The following AFF2 variants were observed in gnomAD, a reference collection of about 807,000 sequenced individuals.
AFF2 encodes the protein ALF transcription elongation factor 2.
A neutral mutation model predicts 76.9 loss-of-function variants in AFF2; 14 were observed. The ratio of observed to expected loss-of-function variants is 0.18; its 90% confidence interval spans 0.12 to 0.28. AFF2 has a LOEUF of 0.28. AFF2 is among the 10% of genes least tolerant of loss of function. The pLI, the probability that AFF2 is intolerant of heterozygous loss-of-function variation, is 1.00. For missense variants in AFF2, 868 were observed against 1,001.1 expected, an observed-to-expected ratio of 0.87 and a Z score of 1.79; for synonymous variants, 398 against 366.7, an observed-to-expected ratio of 1.09 and a Z score of -0.98.
intron 7 of AFF2, among the ~76,000 whole-genome samples, chrX:148,885,107 C>T (rs182229532): frequency 1.1e-4 from 12 of 111,793 alleles, no homozygotes; most frequent in African/African-American, 3.6e-4. Context: ...ATAAGCTATT[C>T]GTCCTGCTGT....
chrX:148,843,398 C>T lies in AFF2; in HGVS notation c.1227C>T (p.Thr409=). ...GFTLQKWNDP[T]TRASTKSVSF... ...TCTTTTCAGAGTGGAATGACCCAAC[C>T]ACCAGAGCTTCTACAAAGTCAGTGT... The change falls in exon 7 of 21, where the codon ACC becomes ACT. Residue 409 remains threonine (T), a synonymous_variant. Transcript: ENST00000370460. 8.3e-7 allele frequency: 1 copy of T among 1,208,724 alleles called. No homozygotes were observed. Among genetic ancestry groups the T allele is most frequent in the Non-Finnish European group, 1.1e-6 (1 of 893,667 alleles).
chrX:148,586,279 AATAT>A (rs2053468866), intron 1 of AFF2, among the ~76,000 whole-genome samples: 1 of 111,866 alleles, frequency 8.9e-6, no homozygotes, highest in South Asian at 3.8e-4. Flanking sequence ...AGAAGATGTG[AATAT>A]GGAAGTGGAA....
chrX:148,744,380 C>T lies in AFF2; in HGVS notation c.1042-65496C>T, dbSNP rs781961498. Among the ~76,000 whole-genome samples the T allele has an allele frequency of 7.1e-4, 79 of 111,718 alleles. 1 individual carries two copies. The highest frequency in any genetic ancestry group is 2.6e-3 in the Admixed American group (27 of 10,538). ...GTTAAGAATCTTGCATGTATGTAAA[C>T]GTGTGAAGAAGAAAACAAGTTAAGG... On this transcript the variant is annotated intron_variant, in intron 3 of 20. Transcript: ENST00000370460.
Position 148,533,376 on chromosome X carries a change from T to C in AFF2, c.47+32232T>C, listed in dbSNP as rs148962124. On this transcript the variant is annotated intron_variant, in intron 1 of 20. Coordinates refer to ENST00000370460, the MANE Select transcript of AFF2 (RefSeq NM_002025.4). ...GGTGCGACCTTGGCTTAATGCAAGC[T>C]GTGACTCCCGGGTTCACGACATTCT... is the stretch of plus-strand genomic sequence containing the variant. Among the ~76,000 whole-genome samples the C allele has an allele frequency of 2.2e-3, 241 of 110,307 alleles. 1 individual carries two copies. The highest frequency in any genetic ancestry group is 7.7e-3 in the African/African-American group (232 of 30,309).
intron 8 of AFF2, among the ~76,000 whole-genome samples, chrX:148,902,752 A>G (rs1557281021): frequency 8.9e-6 from 1 of 111,774 alleles, no homozygotes; most frequent in African/African-American, 3.3e-5. Flanking sequence ...CTCTTACCTC[A>G]TTCCTTAGCT....
At chrX:148,962,603 A>G in intron 12 of AFF2, 112 bp from the exon 13 acceptor site, 1 of 574,502 alleles carries the variant, frequency 1.7e-6, no homozygotes, top group Non-Finnish European at 2.8e-6. Flanking sequence ...CACCATAGGT[A>G]GAGGGACAGC....
At chrX:148,793,851 C>A in intron 3 of AFF2, among the ~76,000 whole-genome samples, 1 of 111,748 alleles carries the variant, frequency 8.9e-6, no homozygotes, top group Non-Finnish European at 1.9e-5. Context: ...ATCCCCGGGG[C>A]CTTTTCTCTG....
At chrX:148,604,158 G>A (rs1422778627) in intron 1 of AFF2, among the ~76,000 whole-genome samples, 2 of 111,263 alleles carry the variant, frequency 1.8e-5, no homozygotes, top group African/African-American at 6.5e-5. Context: ...CTTTGCAATT[G>A]TTTCTTGGAA....
At chrX:148,870,822 G>C (rs782809815) in intron 7 of AFF2, among the ~76,000 whole-genome samples, 1 of 111,796 alleles carries the variant, frequency 8.9e-6, no homozygotes, top group African/African-American at 3.3e-5. Flanking sequence ...AACTAAGGGG[G>C]CAACTGAATA....
intron 7 of AFF2, among the ~76,000 whole-genome samples, chrX:148,860,916 T>C (rs1459688178): frequency 8.9e-6 from 1 of 111,815 alleles, no homozygotes; most frequent in African/African-American, 3.2e-5. Flanking sequence ...TTACATAAGG[T>C]AATTCTGAAG....
At position 148,744,075 on chromosome X, in the gene AFF2, A is replaced by T. The variant is rs372612875; in HGVS notation, c.1042-65801A>T. 3.0e-4 allele frequency among the ~76,000 whole-genome samples: 33 copies of T among 111,148 alleles called. No individual in the cohort carries two copies. The East Asian group carries it at 8.5e-3, about 29-fold the overall frequency. ...CTCTAATTTTTTACGTTATATGCCG[A>T]AAGAAAGGTGTAATTAATGGTGCTA... is the stretch of plus-strand genomic sequence containing the variant. On this transcript the variant is annotated intron_variant, in intron 3 of 20. Transcript: ENST00000370460.
At chrX:148,738,866 C>T (rs781806980) in intron 3 of AFF2, among the ~76,000 whole-genome samples, 20 of 111,833 alleles carry the variant, frequency 1.8e-4, no homozygotes, top group South Asian at 1.1e-3. Context: ...ATCTTGATTT[C>T]GTTTTTGACC....
At chrX:148,908,995 G>T (rs1205128366) in intron 9 of AFF2, among the ~76,000 whole-genome samples, 3 of 111,811 alleles carry the variant, frequency 2.7e-5, no homozygotes, top group Non-Finnish European at 5.6e-5. Flanking sequence ...TAGAAAGTTT[G>T]TGGACTCCTG....
intron 7 of AFF2, among the ~76,000 whole-genome samples, chrX:148,844,051 G>A (rs1212946710): frequency 8.9e-6 from 1 of 112,298 alleles, no homozygotes; most frequent in Non-Finnish European, 1.9e-5. Context: ...CCTGGGATAC[G>A]AAAACAACTG....
intron 1 of AFF2, among the ~76,000 whole-genome samples, chrX:148,614,188 A>G (rs1472881083): frequency 8.9e-6 from 1 of 112,193 alleles, no homozygotes; most frequent in African/African-American, 3.2e-5. Flanking sequence ...CTATAATCAA[A>G]GAGAAAGTGG....
intron 3 of AFF2, among the ~76,000 whole-genome samples, chrX:148,670,409 A>T (rs1433477682): frequency 8.9e-6 from 1 of 111,965 alleles, no homozygotes; most frequent in East Asian, 2.8e-4. Context: ...AGAGCAGTTC[A>T]TATGTGTGCA....
chrX:148,976,057 A>G (rs2072321910), intron 16 of AFF2, among the ~76,000 whole-genome samples: 1 of 109,541 alleles, frequency 9.1e-6, no homozygotes, highest in Non-Finnish European at 1.9e-5. Context: ...AAAGTTATTT[A>G]GGGAAAAAAA....
At chrX:148,781,974 G>A (rs1372492400) in intron 3 of AFF2, among the ~76,000 whole-genome samples, 5 of 111,045 alleles carry the variant, frequency 4.5e-5, no homozygotes, top group Non-Finnish European at 7.6e-5. Flanking sequence ...AGGATGAGGC[G>A]ACGCCCCATC....
intron 3 of AFF2, among the ~76,000 whole-genome samples, chrX:148,730,805 G>A (rs1004875391): frequency 8.9e-6 from 1 of 112,300 alleles, no homozygotes; most frequent in African/African-American, 3.2e-5. Flanking sequence ...AGTGAGAATT[G>A]AGCTCCCCAT....
Sources: allele counts gnomAD v4.1 joint callset (sites outside exome capture counted in the v4.1 genomes callset), GRCh38; gene constraint gnomAD v4.1.1; transcripts MANE v1.5; gene names NCBI Gene and HGNC (gene_info 2026-07-23, HGNC 2026-07-21).